ANKRD13C: variants seen among roughly 807,000 people sequenced by gnomAD.
The protein encoded by ANKRD13C is ankyrin repeat domain-containing protein 13C.
In ANKRD13C, 16 loss-of-function variants were observed where a neutral mutation model predicts 65.5. The observed-to-expected ratio is 0.24, with a 90% CI of 0.17 to 0.37. The LOEUF (loss-of-function observed/expected upper bound fraction) is 0.37. Ranked by LOEUF, ANKRD13C falls within the 10% of genes least tolerant of loss-of-function variation. The pLI, the probability that ANKRD13C is intolerant of heterozygous loss-of-function variation, is 1.00. For missense variants in ANKRD13C, 503 were observed against 655.9 expected (o/e 0.77, Z 2.55); for synonymous variants, 235 against 238.7 (o/e 0.98, Z 0.14).
rs530463052 is a variant in ANKRD13C at position 70,259,289 on chromosome 1, C to T, written c.*3428G>A. 6.6e-6 allele frequency among the ~76,000 whole-genome samples: 1 copy of T among 152,128 alleles called. No homozygotes were observed. Among genetic ancestry groups the T allele is most frequent in the Non-Finnish European group, 1.5e-5 (1 of 68,012 alleles). On this transcript the variant is annotated 3_prime_UTR_variant, in exon 13 of 13. Coordinates refer to ENST00000370944, the MANE Select transcript of ANKRD13C (RefSeq NM_030816.5). Reference sequence around the variant, plus strand: ...ACAATATTTCTACTCTAATTAAAGTCATTTTCACCGCAAAACATGATGAAA... The same window carrying T: ...ACAATATTTCTACTCTAATTAAAGTTATTTTCACCGCAAAACATGATGAAA...
At chr1:70,298,608 G>T (rs1572081837) in intron 7 of ANKRD13C, among the ~76,000 whole-genome samples, 2 of 151,998 alleles carry the variant, frequency 1.3e-5, no homozygotes, top group African/African-American at 4.8e-5. Context: ...TGGACTACTA[G>T]CCTTAACTTC....
chr1:70,259,747 C>T lies in ANKRD13C; in HGVS notation c.*2970G>A, dbSNP rs1448310967. On this transcript the variant is annotated 3_prime_UTR_variant, in exon 13 of 13. Transcript: ENST00000370944. Reference sequence around the variant, plus strand: ...GTGGGGGCAAGTTTTACACCAGTTGCTTTTCTCTAGCATGTTTGTAAATAT... The same window carrying T: ...GTGGGGGCAAGTTTTACACCAGTTGTTTTTCTCTAGCATGTTTGTAAATAT... Among the ~76,000 whole-genome samples, 1 of 152,140 alleles carries T rather than the reference C, an allele frequency of 6.6e-6. No individual in the cohort carries two copies. The highest frequency in any genetic ancestry group is 2.4e-5 in the African/African-American group (1 of 41,440).
chr1:70,271,977 G>A (rs269272), intron 11 of ANKRD13C, among the ~76,000 whole-genome samples: 4 of 151,972 alleles, frequency 2.6e-5, no homozygotes, highest in African/African-American at 7.2e-5. Context: ...CAGTTACATC[G>A]ATTCTGTTCA....
At chr1:70,294,616 C>A (rs1442003390) in intron 8 of ANKRD13C, among the ~76,000 whole-genome samples, 1 of 151,168 alleles carries the variant, frequency 6.6e-6, no homozygotes, top group Non-Finnish European at 1.5e-5. Context: ...TTCCAGCCTG[C>A]AGATTTCTTT....
At chr1:70,330,752 G>A (rs1681759435) in intron 2 of ANKRD13C, among the ~76,000 whole-genome samples, 1 of 151,862 alleles carries the variant, frequency 6.6e-6, no homozygotes, top group South Asian at 2.1e-4. Context: ...ATAAAAAATT[G>A]CAGATCCAAA....
chr1:70,308,523 A>G (rs1000393653), intron 5 of ANKRD13C, among the ~76,000 whole-genome samples: 1 of 151,884 alleles, frequency 6.6e-6, no homozygotes, highest in African/African-American at 2.4e-5. Context: ...GCAGATCACG[A>G]GGTCAGGAGA....
chr1:70,268,702 A>G (rs2101109875), intron 12 of ANKRD13C, among the ~76,000 whole-genome samples: 1 of 152,218 alleles, frequency 6.6e-6, no homozygotes, highest in African/African-American at 2.4e-5. Context: ...TGTAGGAGAA[A>G]GTGGTGGGGG....
intron 12 of ANKRD13C, among the ~76,000 whole-genome samples, chr1:70,267,914 TC>T (rs35495832): frequency 6.6e-6 from 1 of 152,010 alleles, no homozygotes; most frequent in Admixed American, 6.6e-5. Flanking sequence ...CCCTATACCT[TC>T]CCCCATTTAA....
At chr1:70,281,945 A>C (rs1018437604) in intron 9 of ANKRD13C, among the ~76,000 whole-genome samples, 1 of 150,906 alleles carries the variant, frequency 6.6e-6, no homozygotes, top group Non-Finnish European at 1.5e-5. Context: ...GGTTGCAGTG[A>C]GCTGAGGTCA....
intron 5 of ANKRD13C, among the ~76,000 whole-genome samples, chr1:70,309,483 C>T (rs1680742618): frequency 6.7e-6 from 1 of 150,188 alleles, no homozygotes; most frequent in African/African-American, 2.4e-5. Context: ...CTTTGGGAGG[C>T]CGAGGCGGGT....
chr1:70,292,147 G>A (rs947963248), intron 9 of ANKRD13C: 10 of 269,802 alleles, frequency 3.7e-5, no homozygotes, highest in South Asian at 1.3e-4. Flanking sequence ...TAGGTTTCAC[G>A]CTTTTAATCT....
chr1:70,328,301 G>A (rs556602232), intron 2 of ANKRD13C, among the ~76,000 whole-genome samples: 7 of 152,110 alleles, frequency 4.6e-5, no homozygotes, highest in South Asian at 4.2e-4. Context: ...GAATGTTCAC[G>A]GTGTACTGCT....
At chr1:70,316,922 G>A (rs1348540020) in intron 3 of ANKRD13C, among the ~76,000 whole-genome samples, 2 of 151,950 alleles carry the variant, frequency 1.3e-5, no homozygotes, top group African/African-American at 4.8e-5. Context: ...ATACATATGC[G>A]TTCTGAGGGC....
intron 7 of ANKRD13C, among the ~76,000 whole-genome samples, chr1:70,297,905 G>C (rs1354349866): frequency 1.8e-5 from 2 of 108,546 alleles, no homozygotes; most frequent in Admixed American, 1.1e-4. Context: ...GACAGAGAGA[G>C]ACTCCATCTC....
intron 10 of ANKRD13C, among the ~76,000 whole-genome samples, chr1:70,276,401 A>T (rs1456285835): frequency 6.6e-6 from 1 of 152,214 alleles, no homozygotes; most frequent in East Asian, 1.9e-4. Context: ...ATGCTAAAAA[A>T]TCAGGATAAT....
chr1:70,265,847 A>AAAAAAG (rs1678599350), intron 12 of ANKRD13C, among the ~76,000 whole-genome samples: 10 of 144,946 alleles, frequency 6.9e-5, no homozygotes, highest in African/African-American at 5.2e-5. Context: ...AAAAAAAAAA[A>AAAAAAG]AAAAGAAAAG....
chr1:70,264,543 TTG>T (rs1408545711), intron 12 of ANKRD13C, among the ~76,000 whole-genome samples: 7 of 151,914 alleles, frequency 4.6e-5, no homozygotes, highest in African/African-American at 1.7e-4. Flanking sequence ...AACAGCTTTT[TTG>T]GAACACAACA....
intron 9 of ANKRD13C, among the ~76,000 whole-genome samples, chr1:70,288,727 A>G (rs962386080): frequency 2.6e-5 from 4 of 152,232 alleles, no homozygotes; most frequent in African/African-American, 9.6e-5. Context: ...ATTGCCAGGC[A>G]TAAGGGACAG....
chr1:70,342,390 T>C (rs536525936), intron 1 of ANKRD13C, among the ~76,000 whole-genome samples: 23 of 151,984 alleles, frequency 1.5e-4, no homozygotes, highest in East Asian at 1.2e-3. Context: ...ATACAAAAAT[T>C]AGCCGGGCAT....
Sources: allele counts gnomAD v4.1 joint callset (sites outside exome capture counted in the v4.1 genomes callset), GRCh38; gene constraint gnomAD v4.1.1; transcripts MANE v1.5; gene names NCBI Gene and HGNC (gene_info 2026-07-23, HGNC 2026-07-21).